Variants in LY9 observed in about 807,000 individuals in gnomAD.
The protein encoded by LY9 is T-lymphocyte surface antigen Ly-9.
A neutral mutation model predicts 64.6 loss-of-function variants in LY9; 59 were observed. That is an observed-to-expected ratio of 0.91 (90% CI 0.74 to 1.13). The LOEUF is 1.13. Ranked by LOEUF, LY9 falls within the 50% of genes most tolerant of loss-of-function variation. The pLI is 0.00. For missense variants in LY9, 789 were observed against 797.2 expected, an observed-to-expected ratio of 0.99 and a Z score of 0.12; for synonymous variants, 281 against 308.5, an observed-to-expected ratio of 0.91 and a Z score of 0.93.
intron 5 of LY9, among the ~76,000 whole-genome samples, chr1:160,817,348 A>C (rs771586133): frequency 8.5e-5 from 13 of 152,268 alleles, no homozygotes; most frequent in Non-Finnish European, 1.8e-4. Context: ...GAAGGAATTG[A>C]GTAGCCATTT....
intron 4 of LY9, 83 bp from the exon 5 acceptor site, chr1:160,816,511 G>T (rs2101808156): frequency 3.5e-6 from 5 of 1,437,696 alleles, no homozygotes; most frequent in Non-Finnish European, 4.7e-6. Flanking sequence ...TCAGCTTCAT[G>T]AATATATTTT....
intron 2 of LY9, among the ~76,000 whole-genome samples, chr1:160,807,625 G>A (rs761520311): frequency 2.0e-5 from 3 of 152,028 alleles, no homozygotes; most frequent in Non-Finnish European, 2.9e-5. Flanking sequence ...AGTGTGGCAT[G>A]GGGAATGACA....
At chr1:160,810,046 T>C (rs1359467028) in intron 2 of LY9, 1 of 152,186 alleles carries the variant, frequency 6.6e-6, no homozygotes, top group Non-Finnish European at 1.5e-5. Context: ...GCCTGGCTAA[T>C]TTTTGTATTG....
At chr1:160,820,374 A>G (rs1668319209) in intron 7 of LY9, among the ~76,000 whole-genome samples, 1 of 152,154 alleles carries the variant, frequency 6.6e-6, no homozygotes, top group African/African-American at 2.4e-5. Context: ...GTGCTAAGGA[A>G]TCCCCAACCT....
At chr1:160,810,601 T>C (rs1215266509) in intron 2 of LY9, 1 of 152,226 alleles carries the variant, frequency 6.6e-6, no homozygotes, top group Non-Finnish European at 1.5e-5. Context: ...AACTTCTACA[T>C]ATGAATGTTG....
rs557713737 is a variant in LY9, at chr1:160,810,644, C to G, written c.455-2992C>G. The G allele has an allele frequency of 3.9e-5, 6 of 152,262 alleles. 1 individual carries two copies. In the East Asian group the frequency reaches 1.2e-3, roughly 29 times the overall value. The allele number at this position is 152,262 out of a possible 1,614,324, so 9.4% of individuals were successfully genotyped here. ...ACAGAATTCAGCCCTAACATTCTAC[C>G]CTCTGGCCTCTCAAAATTCATGTCC... On this transcript the variant is annotated intron_variant, in intron 2 of 9. Coordinates refer to ENST00000263285, the MANE Select transcript of LY9 (RefSeq NM_002348.4).
At chr1:160,822,225 A>G (rs958478311) in intron 7 of LY9, among the ~76,000 whole-genome samples, 5 of 151,796 alleles carry the variant, frequency 3.3e-5, no homozygotes, top group Admixed American at 1.3e-4. Flanking sequence ...AGCTTCCTCT[A>G]TAGAGGAAGG....
intron 6 of LY9, 68 bp downstream of exon 6, chr1:160,818,387 C>A: frequency 8.5e-7 from 1 of 1,170,300 alleles, no homozygotes; most frequent in Non-Finnish European, 1.3e-6. Context: ...GGAGGCTTCT[C>A]TGCCCTCACA....
chr1:160,818,265 T>C lies in LY9; in HGVS notation c.1390T>C (p.Cys464Arg). 1 of 1,614,192 alleles carries C rather than the reference T, an allele frequency of 6.2e-7. No homozygotes were observed. Among genetic ancestry groups the C allele is most frequent in the Non-Finnish European group, 8.5e-7 (1 of 1,180,020 alleles). Residue 464 changes from cysteine (C) to arginine (R), a missense_variant, in exon 6 of 10, where the codon TGC (cysteine) becomes CGC (arginine). Transcript: ENST00000263285. ...KLWIGLFLMV[C>R]LLCVGIFSWC... ...TTGGATTGGGTTGTTCCTGATGGTT[T>C]GCCTTCTGTGCGTTGGGATCTTCAG...
At chr1:160,800,161 TG>T in intron 2 of LY9, 79 bp downstream of exon 2, 7 of 1,131,470 alleles carry the variant, frequency 6.2e-6, no homozygotes, top group Admixed American at 2.2e-5. Flanking sequence ...TGTGAAATTT[TG>T]TTATATGTAT....
intron 9 of LY9, 88 bp from the exon 10 acceptor site, chr1:160,827,660 C>A: frequency 9.6e-7 from 1 of 1,038,600 alleles, no homozygotes; most frequent in Non-Finnish European, 1.4e-6. Flanking sequence ...ATGGACCAGT[C>A]ATAGCCTGGC....
At chr1:160,798,128 C>A (rs975757483) in intron 1 of LY9, among the ~76,000 whole-genome samples, 3 of 152,150 alleles carry the variant, frequency 2.0e-5, no homozygotes, top group African/African-American at 7.2e-5. Context: ...CCCTGTGAGG[C>A]CCACATCCTG....
rs140061213 is a variant in LY9, at chr1:160,823,484, G to A, written c.1518G>A (p.Thr506=). The A allele has an allele frequency of 4.6e-4, 736 of 1,613,018 alleles. 3 individuals carry two copies. In the African/African-American group the frequency reaches 7.1e-3, roughly 16 times the overall value. Residue 506 remains threonine, a synonymous_variant, in exon 8 of 10, where the codon ACG becomes ACA. Transcript: ENST00000263285. ...TTCCAGAACCCACAGCTGGCCACACGCTATACTCTGTGCTCTCCCAAGGAT... is the reference window on the plus strand; with the variant it reads ...TTCCAGAACCCACAGCTGGCCACACACTATACTCTGTGCTCTCCCAAGGAT... The part of the protein sequence containing the change: ...ADTPEPTAGH[T]LYSVLSQGYE...
intron 5 of LY9, among the ~76,000 whole-genome samples, chr1:160,817,211 C>T (rs1260816901): frequency 6.6e-6 from 1 of 152,168 alleles, no homozygotes; most frequent in Non-Finnish European, 1.5e-5. Flanking sequence ...ACTTAGAGCA[C>T]GTCTCGATTC....
At chr1:160,819,240 T>C in intron 6 of LY9, 81 bp from the exon 7 acceptor site, 2 of 1,061,942 alleles carry the variant, frequency 1.9e-6, no homozygotes, top group Non-Finnish European at 1.5e-6. Context: ...TCTCTCCCCT[T>C]CTCATTTGAC....
At chr1:160,824,806 C>T (rs1459059870) in intron 9 of LY9, 20 of 207,240 alleles carry the variant, frequency 9.7e-5, no homozygotes, top group Non-Finnish European at 1.4e-4. Flanking sequence ...GGTGAAACTC[C>T]GTCTCTACTA....
chr1:160,818,170 T>C (rs1457510085), intron 5 of LY9, 48 bp from the exon 6 acceptor site: 2 of 1,237,342 alleles, frequency 1.6e-6, no homozygotes, highest in East Asian at 2.3e-5. Flanking sequence ...TTTGCTCCAG[T>C]GTGTCTTGTC....
In LY9 at chr1:160,816,970, C is replaced by G. The variant is rs2101810201; in HGVS notation, c.1342+107C>G. The G allele has an allele frequency of 2.7e-6, 3 of 1,106,708 alleles. No homozygotes were observed. The East Asian group carries it at 7.1e-5, about 26-fold the overall frequency. 68.6% of individuals were successfully genotyped at this position (1,106,708 alleles called of 1,614,324 possible). A position where few individuals can be genotyped will look rare whatever the true frequency, so the allele number is the denominator to read the frequency against. ...TGCAGTAAGAGGCTGTGGGTGAGAGCCCTTTAGAGTGGCATGCTTCCACAG... is the reference window on the plus strand; with the variant it reads ...TGCAGTAAGAGGCTGTGGGTGAGAGGCCTTTAGAGTGGCATGCTTCCACAG... On this transcript the variant is annotated intron_variant, in intron 5 of 9. Transcript: ENST00000263285.
chr1:160,814,800 CT>C, intron 4 of LY9, 39 bp downstream of exon 4: 1 of 1,538,136 alleles, frequency 6.5e-7, no homozygotes, highest in Non-Finnish European at 8.9e-7. Flanking sequence ...CAGATTCCTT[CT>C]CTGAAAGCTT....
Sources: gnomAD v4.1 joint callset for allele counts (sites outside exome capture counted in the v4.1 genomes callset) on GRCh38, gnomAD v4.1.1 for gene constraint, MANE v1.5 for transcripts, NCBI Gene and HGNC (gene_info 2026-07-23, HGNC 2026-07-21) for gene names.